LRRC7: variants seen among roughly 807,000 people sequenced by gnomAD.
LRRC7 encodes the protein leucine rich repeat containing 7.
In LRRC7, 23 loss-of-function variants were observed where a neutral mutation model predicts 175.7. The ratio of observed to expected loss-of-function variants is 0.13; its 90% CI spans 0.09 to 0.19. The LOEUF (loss-of-function observed/expected upper bound fraction) is 0.19. LRRC7 is among the 10% of genes least tolerant of loss of function. The pLI is 1.00. For synonymous variants in LRRC7, 685 were observed against 680.9 expected, an observed-to-expected ratio of 1.01 and a Z score of -0.09; for missense variants, 1,354 against 1,904.7, an observed-to-expected ratio of 0.71 and a Z score of 5.38.
intron 8 of LRRC7, among the ~76,000 whole-genome samples, chr1:69,950,291 G>T (rs1649784440): frequency 6.6e-6 from 1 of 152,086 alleles, no homozygotes; most frequent in Non-Finnish European, 1.5e-5. Context: ...TGGAGGGAAA[G>T]GCAGAGAGGT....
chr1:69,915,097 A>C (rs1646646720), intron 7 of LRRC7, among the ~76,000 whole-genome samples: 1 of 152,174 alleles, frequency 6.6e-6, no homozygotes, highest in Non-Finnish European at 1.5e-5. Flanking sequence ...CAAGTCACCA[A>C]TTCTCCTCTA....
intron 9 of LRRC7, among the ~76,000 whole-genome samples, chr1:69,985,269 C>T (rs186237159): frequency 6.6e-6 from 1 of 152,270 alleles, no homozygotes; most frequent in Admixed American, 6.5e-5. Context: ...AACACAGATA[C>T]TGGTGCATAG....
At chr1:69,761,751 A>G (rs1671061324) in intron 3 of LRRC7, among the ~76,000 whole-genome samples, 1 of 152,046 alleles carries the variant, frequency 6.6e-6, no homozygotes, top group Non-Finnish European at 1.5e-5. Context: ...CACCGTATTC[A>G]TCTCTGTTTC....
At chr1:69,713,185 TAAG>T (rs752131333) in intron 2 of LRRC7, among the ~76,000 whole-genome samples, 6 of 152,128 alleles carry the variant, frequency 3.9e-5, no homozygotes, top group Admixed American at 6.5e-5. Context: ...TGTTTGCTCT[TAAG>T]AAGAACTTAT....
intron 26 of LRRC7, among the ~76,000 whole-genome samples, chr1:70,110,637 C>T (rs1184427010): frequency 6.6e-6 from 1 of 152,122 alleles, no homozygotes; most frequent in African/African-American, 2.4e-5. Context: ...CCACAAATGA[C>T]TATCAAGGAT....
At chr1:69,620,669 A>G (rs533427251) in intron 1 of LRRC7, among the ~76,000 whole-genome samples, 2 of 152,330 alleles carry the variant, frequency 1.3e-5, no homozygotes, top group African/African-American at 2.4e-5. Context: ...CGTAATGACT[A>G]TACTTTTCAT....
At chr1:70,070,781 A>T (rs1411532607) in intron 23 of LRRC7, among the ~76,000 whole-genome samples, 2 of 152,116 alleles carry the variant, frequency 1.3e-5, no homozygotes, top group Non-Finnish European at 2.9e-5. Context: ...CCACTGGATG[A>T]TGGGGAAAGT....
At chr1:69,674,937 C>T (rs932914847) in intron 1 of LRRC7, among the ~76,000 whole-genome samples, 1 of 151,926 alleles carries the variant, frequency 6.6e-6, no homozygotes. Context: ...CTTCATTTAC[C>T]GAGCTCTCCA....
At chr1:69,591,644 T>C (rs1312980087) in intron 1 of LRRC7, among the ~76,000 whole-genome samples, 1 of 152,020 alleles carries the variant, frequency 6.6e-6, no homozygotes, top group Admixed American at 6.6e-5. Flanking sequence ...AAGATAAATA[T>C]TTTTATTTTT....
chr1:69,980,933 G>A (rs1379596356), intron 9 of LRRC7, among the ~76,000 whole-genome samples: 1 of 152,078 alleles, frequency 6.6e-6, no homozygotes, highest in African/African-American at 2.4e-5. Flanking sequence ...AAATGGCAAG[G>A]ATCATACAGT....
At position 70,132,673 on chromosome 1, in the gene LRRC7, T is replaced by G. The variant is rs940198199; in HGVS notation, c.*10786T>G. Among the ~76,000 whole-genome samples, 11 of 151,888 alleles carry G rather than the reference T, an allele frequency of 7.2e-5. No homozygotes were observed. Among genetic ancestry groups the G allele is most frequent in the Non-Finnish European group, 1.5e-5 (1 of 67,948 alleles). ...TTTTTAGTAGAGACGGAGTTTCACC[T>G]TCTTGGCCAGGTTGGTCTTGAACTC... On this transcript the variant is annotated 3_prime_UTR_variant, in exon 27 of 27. Transcript: ENST00000651989.
intron 1 of LRRC7, among the ~76,000 whole-genome samples, chr1:69,582,105 A>G (rs1646224567): frequency 6.6e-6 from 1 of 152,134 alleles, no homozygotes; most frequent in Non-Finnish European, 1.5e-5. Flanking sequence ...TCTGTCATTT[A>G]AGACATGCTG....
At chr1:69,781,288 T>A (rs1419606654) in intron 3 of LRRC7, among the ~76,000 whole-genome samples, 1 of 152,012 alleles carries the variant, frequency 6.6e-6, no homozygotes, top group Non-Finnish European at 1.5e-5. Flanking sequence ...TTATCCACTC[T>A]CCCCTCCCAG....
chr1:69,900,212 G>A (rs1646096453), intron 7 of LRRC7, among the ~76,000 whole-genome samples: 1 of 152,152 alleles, frequency 6.6e-6, no homozygotes, highest in Non-Finnish European at 1.5e-5. Context: ...GGAGTCTGTT[G>A]CCTGTGAGAC....
chr1:69,742,157 T>C (rs1668782128), intron 2 of LRRC7, among the ~76,000 whole-genome samples: 1 of 151,926 alleles, frequency 6.6e-6, no homozygotes, highest in African/African-American at 2.4e-5. Flanking sequence ...GTACAGTGAG[T>C]ACATGAAATA....
chr1:70,105,563 T>A (rs371018430), intron 25 of LRRC7, among the ~76,000 whole-genome samples: 16 of 152,232 alleles, frequency 1.1e-4, no homozygotes, highest in African/African-American at 3.6e-4. Flanking sequence ...ATAACCTGCT[T>A]GTTTCACTAA....
Position 70,133,510 on chromosome 1 carries a change from T to G in LRRC7, c.*11623T>G, listed in dbSNP as rs978464701. The stretch of plus-strand genomic sequence containing the variant: ...TGCTGGGATGGCCTTACACAGTCTG[T>G]TTTTATGCCCCTTGTGCTGATACAA... On this transcript the variant is annotated 3_prime_UTR_variant, in exon 27 of 27. Coordinates refer to ENST00000651989, the MANE Select transcript of LRRC7 (RefSeq NM_001370785.2). Among the ~76,000 whole-genome samples, 24 of 152,144 alleles carry G rather than the reference T, an allele frequency of 1.6e-4. No individual in the cohort carries two copies. Among genetic ancestry groups the G allele is most frequent in the African/African-American group, 5.8e-4 (24 of 41,424 alleles).
Position 69,828,704 on chromosome 1 carries a change from T to A in LRRC7, c.500+2878T>A, listed in dbSNP as rs533487673. Among the ~76,000 whole-genome samples the A allele has an allele frequency of 3.5e-4, 53 of 152,162 alleles. No homozygotes were observed. In the East Asian group the frequency reaches 7.7e-3, roughly 22 times the overall value. Reference sequence around the variant, plus strand: ...TATGAGTTACACTTTTATCTTTATTTTCCAAATGTTCTCTAACATTATGAT... The same window carrying A: ...TATGAGTTACACTTTTATCTTTATTATCCAAATGTTCTCTAACATTATGAT... On this transcript the variant is annotated intron_variant, in intron 5 of 26. Coordinates refer to ENST00000651989, the MANE Select transcript of LRRC7 (RefSeq NM_001370785.2).
At chr1:69,827,012 T>G (rs1174982714) in intron 5 of LRRC7, among the ~76,000 whole-genome samples, 1 of 152,114 alleles carries the variant, frequency 6.6e-6, no homozygotes. Flanking sequence ...GTAGGAAATG[T>G]AAAACATCAA....
Sources: gnomAD v4.1 joint callset for allele counts (sites outside exome capture counted in the v4.1 genomes callset) on GRCh38, gnomAD v4.1.1 for gene constraint, MANE v1.5 for transcripts, NCBI Gene and HGNC (gene_info 2026-07-23, HGNC 2026-07-21) for gene names.